RBFA: variants seen among roughly 807,000 people sequenced by gnomAD.
RBFA encodes the protein putative ribosome-binding factor A, mitochondrial.
Under a neutral mutation model 27.9 loss-of-function variants are expected in RBFA, and 16 were observed. The observed-to-expected ratio is 0.57, with a 90% CI of 0.39 to 0.87. RBFA has a LOEUF of 0.87. Ranked by LOEUF, RBFA falls within the 40% of genes least tolerant of loss-of-function variation. The probability of loss-of-function intolerance (pLI) is 0.00; values close to 1 mark genes in which losing one functional copy is unlikely to be tolerated. For missense variants in RBFA, 456 were observed against 432.1 expected (o/e 1.06, Z -0.49); for synonymous variants, 181 against 181.0 (o/e 1.00, Z 0.00).
rs192014014 is a variant in RBFA, at chr18:80,046,254, G to A, written c.*99G>A. ...GGCAGTTGATGGAGTTAAACCATCT[G>A]CTCTTCTGCTACTTCAACATTTTCT... On this transcript the variant is annotated 3_prime_UTR_variant, in exon 7 of 7. Transcript: ENST00000306735. 1.1e-4 allele frequency: 140 copies of A among 1,279,684 alleles called. No homozygotes were observed. In the African/African-American group the frequency reaches 1.2e-3, roughly 11 times the overall value. The allele number at this position is 1,279,684 out of a possible 1,614,324, so 79.3% of individuals were successfully genotyped here.
At position 80,039,661 on chromosome 18, in the gene RBFA, A is replaced by C. The variant is rs139286241; in HGVS notation, c.491+1044A>C. On this transcript the variant is annotated intron_variant, in intron 4 of 6. Transcript: ENST00000306735. ...CACCACTGTGAGCTTGACAACTTCT[A>C]GGTACTTGAGACTCTTCTGATGAGA... Among the ~76,000 whole-genome samples, 5 of 152,346 alleles carry C rather than the reference A, an allele frequency of 3.3e-5. No homozygotes were observed. In the East Asian group the frequency reaches 9.6e-4, roughly 29 times the overall value.
rs766287416 is a variant in RBFA, at chr18:80,037,335, C to A, written c.207C>A (p.Tyr69Ter). 1.5e-5 allele frequency: 25 copies of A among 1,613,500 alleles called. No homozygotes were observed. Among genetic ancestry groups the A allele is most frequent in the Non-Finnish European group, 1.9e-5 (22 of 1,179,874 alleles). Residue 69 changes from tyrosine to a stop codon, truncating the protein, a stop_gained, in exon 3 of 7, where the codon TAC (tyrosine) becomes TAA (stop). Transcript: ENST00000306735. LOFTEE classifies it high-confidence loss of function. Reference protein sequence around the residue: ...ESPSLGSHSTYKPSKLEFLMR... With the variant: ...ESPSLGSHST The stretch of plus-strand genomic sequence containing the variant: ...TGCTCTTCTTCCTGATGGAGACTTA[C>A]AAACCATCCAAGTTGGAATTCCTCA...
intron 5 of RBFA, among the ~76,000 whole-genome samples, chr18:80,043,678 T>A (rs949369738): frequency 4.6e-5 from 7 of 152,086 alleles, no homozygotes; most frequent in Non-Finnish European, 7.4e-5. Flanking sequence ...AGGGTTCGGG[T>A]GGAATGCATT....
chr18:80,041,720 C>CTTTTTTTTTTTTTTTT (rs60801792), intron 4 of RBFA: 2 of 142,348 alleles, frequency 1.4e-5, no homozygotes. Flanking sequence ...ACTCCTGCCT[C>CTTTTTTTTTTTTTTTT]TTTTTTTTTT....
In RBFA at chr18:80,042,182, T is replaced by C. The variant is rs2052020995; in HGVS notation, c.539T>C (p.Val180Ala). The change falls in exon 5 of 7, where the codon GTG becomes GCG. Residue 180 changes from valine to alanine, a missense_variant. Transcript: ENST00000306735. ...ACCCTGAGGAATGTGCCACCGATAGTGTTTGTTCAAGACAAGGGAAATGCA... is the reference window on the plus strand; with the variant it reads ...ACCCTGAGGAATGTGCCACCGATAGCGTTTGTTCAAGACAAGGGAAATGCA... ...QQTLRNVPPI[V>A]FVQDKGNAAL... 4.3e-6 allele frequency: 7 copies of C among 1,611,158 alleles called. No individual in the cohort carries two copies. In the East Asian group the frequency reaches 1.6e-4, roughly 36 times the overall value.
At chr18:80,045,710 G>A in intron 6 of RBFA, 64 bp from the exon 7 acceptor site, 1 of 1,476,932 alleles carries the variant, frequency 6.8e-7, no homozygotes. Context: ...TTGTGTTGTG[G>A]CGACGACACT....
At chr18:80,036,442 G>A (rs530932035) in intron 1 of RBFA, among the ~76,000 whole-genome samples, 2 of 152,308 alleles carry the variant, frequency 1.3e-5, no homozygotes, top group African/African-American at 4.8e-5. Context: ...GGGACTAGAA[G>A]TAGAATTTAG....
intron 1 of RBFA, chr18:80,035,200 C>T (rs2051968799): frequency 6.5e-6 from 1 of 153,292 alleles, no homozygotes; most frequent in African/African-American, 2.4e-5. Flanking sequence ...GCACCCAGCT[C>T]CCCCTGTGTT....
Position 80,047,947 on chromosome 18 carries a change from G to C in RBFA, c.*1792G>C, listed in dbSNP as rs2052067737. 6.6e-6 allele frequency among the ~76,000 whole-genome samples: 1 copy of C among 152,196 alleles called. No individual in the cohort carries two copies. The highest frequency in any genetic ancestry group is 1.5e-5 in the Non-Finnish European group (1 of 68,040). ...CAGTTTGCCTCTTATTCTTCTAGGGGACCATCATGGGCTGAGGTCAGGCCA... is the reference window on the plus strand; with the variant it reads ...CAGTTTGCCTCTTATTCTTCTAGGGCACCATCATGGGCTGAGGTCAGGCCA... On this transcript the variant is annotated 3_prime_UTR_variant, in exon 7 of 7. Coordinates refer to ENST00000306735, the MANE Select transcript of RBFA (RefSeq NM_024805.3).
chr18:80,038,429 T>A, intron 3 of RBFA, 76 bp from the exon 4 acceptor site: 1 of 1,029,660 alleles, frequency 9.7e-7, no homozygotes, highest in Non-Finnish European at 1.5e-6. Context: ...CAGCTGTCGT[T>A]TTCATCTCCT....
intron 3 of RBFA, among the ~76,000 whole-genome samples, chr18:80,037,848 C>T (rs2051991116): frequency 6.6e-6 from 1 of 151,756 alleles, no homozygotes. Context: ...GAGGCCGCGC[C>T]TCTGCACTCC....
Position 80,046,138 on chromosome 18 carries a change from G to C in RBFA, c.1015G>C (p.Gly339Arg), listed in dbSNP as rs750448151. 11 of 1,613,932 alleles carry C rather than the reference G, an allele frequency of 6.8e-6. No individual in the cohort carries two copies. In the East Asian group the frequency reaches 2.0e-4, roughly 29 times the overall value. ...CAGAACAGAGGATGGCCACAGCTGC[G>C]GAGCAAGCAGGGAGTAGATGGAGAG... ...GGRTEDGHSC[G>R]ASRE The change falls in exon 7 of 7, where the codon GGA (glycine) becomes CGA (arginine). Residue 339 changes from glycine (G) to arginine (R), a missense_variant. Physicochemically the swap from Gly to Arg is moderately radical, Grantham distance 125 (BLOSUM62 -2). Transcript: ENST00000306735.
chr18:80,038,536 G>A lies in RBFA; in HGVS notation c.410G>A (p.Arg137Gln), dbSNP rs144827079. Residue 137 changes from arginine to glutamine, a missense_variant, in exon 4 of 7, where the codon CGA (arginine) becomes CAA (glutamine). Coordinates refer to ENST00000306735, the MANE Select transcript of RBFA (RefSeq NM_024805.3). ...VSLTPDFSAC[R>Q]AYWKTTLSAE... ...CTGACTCCAGACTTCTCAGCCTGCC[G>A]AGCGTACTGGAAGACAACGCTCTCT... 1.7e-5 allele frequency: 27 copies of A among 1,613,666 alleles called. No homozygotes were observed. Among genetic ancestry groups the A allele is most frequent in the East Asian group, 4.5e-5 (2 of 44,866 alleles).
In RBFA at chr18:80,048,717, G is replaced by A. The variant is rs1426925088; in HGVS notation, c.*2562G>A. Among the ~76,000 whole-genome samples the A allele has an allele frequency of 2.0e-5, 3 of 152,242 alleles. No homozygotes were observed. Among genetic ancestry groups the A allele is most frequent in the Admixed American group, 6.5e-5 (1 of 15,274 alleles). ...CTCATTTTCCAAATAAGGAATCTGA[G>A]GCCCAGGGAGAGGTGAAGTGCTGCA... is the stretch of plus-strand genomic sequence containing the variant. On this transcript the variant is annotated 3_prime_UTR_variant, in exon 7 of 7. Transcript: ENST00000306735.
rs1254490422 is a variant in RBFA at position 80,046,406 on chromosome 18, T to C, written c.*251T>C. The C allele has an allele frequency of 2.1e-6, 1 of 487,182 alleles. No individual in the cohort carries two copies. Among genetic ancestry groups the C allele is most frequent in the South Asian group, 2.3e-5 (1 of 43,542 alleles). 30.2% of individuals were successfully genotyped at this position (487,182 alleles called of 1,614,324 possible). Reference sequence around the variant, plus strand: ...TTCTCACAAAAAGAAAATGGTAAAATAGTGTCTCTGAGATGCTGGCATGGC... The same window carrying C: ...TTCTCACAAAAAGAAAATGGTAAAACAGTGTCTCTGAGATGCTGGCATGGC... On this transcript the variant is annotated 3_prime_UTR_variant, in exon 7 of 7. Coordinates refer to ENST00000306735, the MANE Select transcript of RBFA (RefSeq NM_024805.3).
intron 6 of RBFA, among the ~76,000 whole-genome samples, chr18:80,045,347 C>T (rs1208517090): frequency 1.3e-5 from 2 of 152,042 alleles, no homozygotes; most frequent in Non-Finnish European, 2.9e-5. Flanking sequence ...CTGCCTCAGC[C>T]TCCTGCGTAG....
At chr18:80,045,598 G>A (rs1161183511) in intron 6 of RBFA, among the ~76,000 whole-genome samples, 176 bp from the exon 7 acceptor site, 2 of 152,054 alleles carry the variant, frequency 1.3e-5, no homozygotes, top group Non-Finnish European at 2.9e-5. Flanking sequence ...TGGAGAAGGC[G>A]GAAACCAAAG....
In RBFA at chr18:80,050,454, C is replaced by T. The variant is rs1269397480; in HGVS notation, c.*4299C>T. Among the ~76,000 whole-genome samples the T allele has an allele frequency of 6.6e-6, 1 of 152,154 alleles. No homozygotes were observed. Among genetic ancestry groups the T allele is most frequent in the African/African-American group, 2.4e-5 (1 of 41,436 alleles). ...AAAAAGCACATCATGGAGACTGGGG[C>T]ACCCATCCCCTCAAGCATTTATCCT... On this transcript the variant is annotated 3_prime_UTR_variant, in exon 7 of 7. Coordinates refer to ENST00000306735, the MANE Select transcript of RBFA (RefSeq NM_024805.3).
rs1398182521 is a variant in RBFA, at chr18:80,046,440, C to G, written c.*285C>G. 2.7e-6 allele frequency: 1 copy of G among 375,530 alleles called. No individual in the cohort carries two copies. The highest frequency in any genetic ancestry group is 2.1e-5 in the African/African-American group (1 of 47,876). 23.3% of individuals were successfully genotyped at this position (375,530 alleles called of 1,614,324 possible). On this transcript the variant is annotated 3_prime_UTR_variant, in exon 7 of 7. Transcript: ENST00000306735. ...TGAGATGCTGGCATGGCCACCTCCACCTGCAGAGCCCTGCCAGGTGCCAGT... is the reference window on the plus strand; with the variant it reads ...TGAGATGCTGGCATGGCCACCTCCAGCTGCAGAGCCCTGCCAGGTGCCAGT...
Sources: allele counts gnomAD v4.1 joint callset (sites outside exome capture counted in the v4.1 genomes callset), GRCh38; gene constraint gnomAD v4.1.1; transcripts MANE v1.5; gene names NCBI Gene and HGNC (gene_info 2026-07-23, HGNC 2026-07-21).